Variants in CRTC1 observed in about 807,000 individuals in gnomAD.
The protein encoded by CRTC1 is CREB-regulated transcription coactivator 1.
A neutral mutation model predicts 66.1 loss-of-function variants in CRTC1; 18 were observed. That is an observed-to-expected ratio of 0.27 (90% CI 0.19 to 0.40). The LOEUF (loss-of-function observed/expected upper bound fraction) is 0.40, where lower values mean the gene tolerates loss of function less well. Among genes scored for constraint, CRTC1 ranks in the 10% least tolerant of loss-of-function variants. The pLI, the probability that CRTC1 is intolerant of heterozygous loss-of-function variation, is 1.00. For missense variants in CRTC1, 669 were observed against 887.9 expected, an observed-to-expected ratio of 0.75 and a Z score of 3.13; for synonymous variants, 416 against 398.8, an observed-to-expected ratio of 1.04 and a Z score of -0.51.
At chr19:18,758,898 A>G (rs2054551587) in intron 6 of CRTC1, among the ~76,000 whole-genome samples, 2 of 152,154 alleles carry the variant, frequency 1.3e-5, no homozygotes, top group Non-Finnish European at 2.9e-5. Context: ...TGGGAACAGC[A>G]TGGATGGTTG....
At chr19:18,750,223 A>T (rs144250090) in intron 5 of CRTC1, among the ~76,000 whole-genome samples, 1 of 152,326 alleles carries the variant, frequency 6.6e-6, no homozygotes, top group East Asian at 1.9e-4. Flanking sequence ...TCAGCTCATG[A>T]CAGAGCAGGC....
intron 3 of CRTC1, 92 bp from the exon 4 acceptor site, chr19:18,746,957 CCCAG>C (rs955072843): frequency 7.4e-6 from 9 of 1,222,692 alleles, no homozygotes; most frequent in Middle Eastern, 4.6e-4. Flanking sequence ...TCAGGCCGAC[CCCAG>C]CCAGCCAGCC....
At chr19:18,752,488 T>G (rs1003418229) in intron 5 of CRTC1, among the ~76,000 whole-genome samples, 1 of 152,016 alleles carries the variant, frequency 6.6e-6, no homozygotes, top group African/African-American at 2.4e-5. Flanking sequence ...CCGGCCAACT[T>G]TCTTATTTTT....
At position 18,747,129 on chromosome 19, in the gene CRTC1, A is replaced by ACCTC; in HGVS notation, c.443+17_443+18insTCCC. 1.8e-6 allele frequency: 2 copies of ACCTC among 1,106,732 alleles called. No homozygotes were observed. Among genetic ancestry groups the ACCTC allele is most frequent in the African/African-American group, 4.4e-5 (2 of 45,506 alleles). 68.6% of individuals were successfully genotyped at this position (1,106,732 alleles called of 1,614,324 possible). A position where few individuals can be genotyped will look rare whatever the true frequency, so the allele number is the denominator to read the frequency against. On this transcript the variant is annotated intron_variant, in intron 4 of 13. Transcript: ENST00000321949. ...AGCTGGAGAAGGTCAGTGGCTGGAC[A>ACCTC]CCCCCCCCCCGCCCCCTTCTTGTTG...
At chr19:18,722,321 G>A (rs2053647993) in intron 1 of CRTC1, among the ~76,000 whole-genome samples, 1 of 152,228 alleles carries the variant, frequency 6.6e-6, no homozygotes, top group Admixed American at 6.5e-5. Context: ...GATGCTGGGG[G>A]AGTGGATTGG....
Position 18,781,209 on chromosome 19 carries a change from G to A in CRTC1, c.*3827G>A, listed in dbSNP as rs1198179221. 8.8e-6 allele frequency: 2 copies of A among 226,982 alleles called. No individual in the cohort carries two copies. Among genetic ancestry groups the A allele is most frequent in the East Asian group, 1.3e-4 (2 of 15,942 alleles). 14.1% of individuals were successfully genotyped at this position (226,982 alleles called of 1,614,324 possible). A position where few individuals can be genotyped will look rare whatever the true frequency, so the allele number is the denominator to read the frequency against. ...GCCTGGCCCGTCACCCACATGTGGTGCCCTGGGCCAGGGCGTGCGGGCGCC... is the reference window on the plus strand; with the variant it reads ...GCCTGGCCCGTCACCCACATGTGGTACCCTGGGCCAGGGCGTGCGGGCGCC... On this transcript the variant is annotated 3_prime_UTR_variant, in exon 14 of 14. Coordinates refer to ENST00000321949, the MANE Select transcript of CRTC1 (RefSeq NM_015321.3).
chr19:18,749,909 G>T (rs2054326158), intron 5 of CRTC1, 34 bp downstream of exon 5: 2 of 1,551,464 alleles, frequency 1.3e-6, no homozygotes, highest in African/African-American at 1.4e-5. Context: ...CTCTGCTGGG[G>T]TGAGGCAAGT....
intron 1 of CRTC1, among the ~76,000 whole-genome samples, chr19:18,702,533 C>CTTT (rs34068358): frequency 1.6e-5 from 2 of 128,194 alleles, no homozygotes; most frequent in South Asian, 2.6e-4. Flanking sequence ...AGGGGATAGT[C>CTTT]TTTTTTTTTT....
Position 18,777,722 on chromosome 19 carries a change from C to A in CRTC1, c.*340C>A. 1 of 362,162 alleles carries A rather than the reference C, an allele frequency of 2.8e-6. No individual in the cohort carries two copies. Among genetic ancestry groups the A allele is most frequent in the Non-Finnish European group, 5.1e-6 (1 of 197,302 alleles). The allele number at this position is 362,162 out of a possible 1,614,324, so 22.4% of individuals were successfully genotyped here. A position where few individuals can be genotyped will look rare whatever the true frequency, so the allele number is the denominator to read the frequency against. On this transcript the variant is annotated 3_prime_UTR_variant, in exon 14 of 14. Transcript: ENST00000321949. This position sits in a 1 kb window ranked among gnomAD's most constrained non-coding sequence, Gnocchi z 5.5. ...AGATGCGGGAAGTGTCAGCTCCCGG[C>A]GTGGCGGGCAGGCTCAGGGGAGGGG...
intron 1 of CRTC1, among the ~76,000 whole-genome samples, chr19:18,691,602 T>C (rs904007576): frequency 6.8e-6 from 1 of 148,060 alleles, no homozygotes; most frequent in Non-Finnish European, 1.5e-5. Context: ...GAGGCAGAGA[T>C]TGGAGCGATG....
intron 8 of CRTC1, among the ~76,000 whole-genome samples, chr19:18,761,814 G>T (rs552406610): frequency 1.3e-5 from 2 of 152,102 alleles, no homozygotes; most frequent in South Asian, 2.1e-4. Flanking sequence ...ATGTTCCTGG[G>T]TTTTTTGGAG....
At chr19:18,695,588 G>T (rs879375112) in intron 1 of CRTC1, among the ~76,000 whole-genome samples, 2 of 152,114 alleles carry the variant, frequency 1.3e-5, no homozygotes, top group Non-Finnish European at 2.9e-5. Context: ...ACACACGGCC[G>T]GGTGTGGTGG....
At chr19:18,686,988 T>G (rs540677579) in intron 1 of CRTC1, among the ~76,000 whole-genome samples, 27 of 149,002 alleles carry the variant, frequency 1.8e-4, no homozygotes, top group Admixed American at 1.3e-3. Flanking sequence ...GCCCCAGATG[T>G]CGGCAGTGCC....
At chr19:18,696,928 G>A (rs1368043389) in intron 1 of CRTC1, among the ~76,000 whole-genome samples, 1 of 151,782 alleles carries the variant, frequency 6.6e-6, no homozygotes, top group Non-Finnish European at 1.5e-5. Context: ...CACAGGGGAG[G>A]GGTGGGGGGT....
At chr19:18,772,097 A>G (rs977835430) in intron 11 of CRTC1, among the ~76,000 whole-genome samples, 5 of 152,250 alleles carry the variant, frequency 3.3e-5, no homozygotes, top group Non-Finnish European at 7.4e-5. Context: ...CGGGAGACTG[A>G]GGTCAGCCTC....
rs2055076876 is a variant in CRTC1 at position 18,780,210 on chromosome 19, G to A, written c.*2828G>A. 4.3e-6 allele frequency: 1 copy of A among 231,672 alleles called. No individual in the cohort carries two copies. The highest frequency in any genetic ancestry group is 2.2e-5 in the African/African-American group (1 of 45,222). 14.4% of individuals were successfully genotyped at this position (231,672 alleles called of 1,614,324 possible). On this transcript the variant is annotated 3_prime_UTR_variant, in exon 14 of 14. Transcript: ENST00000321949. The stretch of plus-strand genomic sequence containing the variant: ...AGGCCCGGATGCTTGGTCTACACTG[G>A]GTTAGAGGCTGCTCTCCCCACGCAC...
intron 2 of CRTC1, among the ~76,000 whole-genome samples, chr19:18,743,357 G>T (rs1294978840): frequency 6.6e-6 from 1 of 152,220 alleles, no homozygotes; most frequent in Admixed American, 6.5e-5. Flanking sequence ...TCACTAATCC[G>T]CAAGCCCAGC....
chr19:18,743,461 G>A (rs1004993975), intron 2 of CRTC1, among the ~76,000 whole-genome samples: 1 of 152,232 alleles, frequency 6.6e-6, no homozygotes, highest in Non-Finnish European at 1.5e-5. Flanking sequence ...AGGCCGCACA[G>A]CCGCCGTGCA....
At chr19:18,775,602 C>A (rs775306274) in intron 12 of CRTC1, 39 bp from the exon 13 acceptor site, 1 of 1,503,116 alleles carries the variant, frequency 6.7e-7, no homozygotes, top group Non-Finnish European at 8.9e-7. Flanking sequence ...TGGGCAGGCC[C>A]GCGGTGGCCC....
Sources: gnomAD v4.1 joint callset for allele counts (sites outside exome capture counted in the v4.1 genomes callset) on GRCh38, gnomAD v4.1.1 for gene constraint, Gnocchi (gnomAD v3.1) non-coding constraint, MANE v1.5 for transcripts, NCBI Gene and HGNC (gene_info 2026-07-23, HGNC 2026-07-21) for gene names.